TMCO4: variants seen among roughly 807,000 people sequenced by gnomAD.
TMCO4 encodes transmembrane and coiled-coil domain-containing protein 4.
A neutral mutation model predicts 64.7 loss-of-function variants in TMCO4; 58 were observed. The ratio of observed to expected loss-of-function variants is 0.90; its 90% confidence interval spans 0.73 to 1.12. TMCO4 has a LOEUF of 1.12. Ranked by LOEUF, TMCO4 falls within the 50% of genes most tolerant of loss-of-function variation. The pLI is 0.00. For synonymous variants in TMCO4, 325 were observed against 346.1 expected (o/e 0.94, Z 0.68); for missense variants, 780 against 825.9 (o/e 0.94, Z 0.68).
chr1:19,760,893 G>C (rs2042471500), intron 6 of TMCO4, among the ~76,000 whole-genome samples: 1 of 152,258 alleles, frequency 6.6e-6, no homozygotes, highest in African/African-American at 2.4e-5. Context: ...CTGGAACTCT[G>C]TTGGGAGAGA....
chr1:19,710,682 C>T (rs571860512), intron 13 of TMCO4, among the ~76,000 whole-genome samples: 1 of 152,304 alleles, frequency 6.6e-6, no homozygotes, highest in East Asian at 1.9e-4. Context: ...GTCCCACTTC[C>T]CTTTGCAATC....
At chr1:19,695,813 C>T (rs1244335885) in intron 14 of TMCO4, among the ~76,000 whole-genome samples, 1 of 152,146 alleles carries the variant, frequency 6.6e-6, no homozygotes, top group Non-Finnish European at 1.5e-5. Context: ...TACAGACTCT[C>T]CTGCTGTGTC....
intron 14 of TMCO4, among the ~76,000 whole-genome samples, chr1:19,694,795 C>T (rs60159774): frequency 0.083 from 12,692 of 152,236 alleles, 1,687 homozygotes; most frequent in African/African-American, 0.28. Context: ...TCCATGAAGG[C>T]GGCCTGCTTT....
intron 13 of TMCO4, among the ~76,000 whole-genome samples, chr1:19,727,341 A>G (rs2095413078): frequency 6.6e-6 from 1 of 152,194 alleles, no homozygotes; most frequent in Admixed American, 6.5e-5. Flanking sequence ...CCAAGCACCT[A>G]CTATGTGCCA....
At chr1:19,710,138 C>T (rs972529255) in intron 13 of TMCO4, among the ~76,000 whole-genome samples, 1 of 151,850 alleles carries the variant, frequency 6.6e-6, no homozygotes, top group Non-Finnish European at 1.5e-5. Context: ...CCAGGTCTTG[C>T]TCTGTTGCCC....
intron 15 of TMCO4, among the ~76,000 whole-genome samples, chr1:19,688,075 G>T (rs1009812991): frequency 5.3e-5 from 8 of 152,282 alleles, no homozygotes; most frequent in Middle Eastern, 3.4e-3. Flanking sequence ...CATCTCCCAG[G>T]CTGTCTTGAT....
Position 19,732,841 on chromosome 1 carries a change from A to G in TMCO4, c.1264+4531T>C, listed in dbSNP as rs2095435956. On this transcript the variant is annotated intron_variant, in intron 13 of 15. Transcript: ENST00000294543. The surrounding 1 kb of genome is among the most constrained non-coding windows in gnomAD (Gnocchi z 4.8). ...TCCACCGGGTTCATCTTGGAGTCAG[A>G]TTCCTATCAGATTCTTGTTATTTGG... Among the ~76,000 whole-genome samples the G allele has an allele frequency of 6.6e-6, 1 of 152,178 alleles. No homozygotes were observed. Among genetic ancestry groups the G allele is most frequent in the African/African-American group, 2.4e-5 (1 of 41,444 alleles).
At chr1:19,779,191 C>T (rs1330228148) in intron 4 of TMCO4, among the ~76,000 whole-genome samples, 1 of 152,212 alleles carries the variant, frequency 6.6e-6, no homozygotes, top group Admixed American at 6.5e-5. Flanking sequence ...CATCTCCTGG[C>T]CCAAGTCTTG....
chr1:19,718,698 G>A (rs1345585214), intron 13 of TMCO4, among the ~76,000 whole-genome samples: 4 of 145,476 alleles, frequency 2.7e-5, no homozygotes, highest in Non-Finnish European at 6.0e-5. Context: ...CTGGTTGCCA[G>A]TGTCATAATG....
chr1:19,791,018 T>A (rs574262922), intron 2 of TMCO4, among the ~76,000 whole-genome samples: 6 of 152,292 alleles, frequency 3.9e-5, no homozygotes, highest in African/African-American at 1.4e-4. Context: ...GGGATATGGA[T>A]GGAGCTGGGA....
intron 13 of TMCO4, among the ~76,000 whole-genome samples, chr1:19,707,140 C>T (rs975836462): frequency 3.3e-5 from 5 of 152,222 alleles, no homozygotes; most frequent in Non-Finnish European, 7.3e-5. Flanking sequence ...TCCAGCCACA[C>T]TGGCCTTGCT....
intron 4 of TMCO4, among the ~76,000 whole-genome samples, chr1:19,777,026 C>CAAAA (rs59722797): frequency 2.3e-3 from 192 of 82,532 alleles, no homozygotes; most frequent in South Asian, 3.1e-3. Context: ...GACACTGTCT[C>CAAAA]AAAAAAAAAA....
chr1:19,687,127 T>C (rs2095155530), intron 15 of TMCO4, among the ~76,000 whole-genome samples: 2 of 152,146 alleles, frequency 1.3e-5, no homozygotes, highest in African/African-American at 4.8e-5. Context: ...AATTTTTGTA[T>C]TTTTAGTAGA....
rs1040990458 is a variant in TMCO4, at chr1:19,761,447, C to T, written c.383-5681G>A. On this transcript the variant is annotated intron_variant, in intron 6 of 15. Transcript: ENST00000294543. ...CCAGGCCCAGACTTTTGGATCCTGCCGGAAGGACCAAAGGAGCTGGTATCC... is the reference window on the plus strand; with the variant it reads ...CCAGGCCCAGACTTTTGGATCCTGCTGGAAGGACCAAAGGAGCTGGTATCC... 2.6e-5 allele frequency among the ~76,000 whole-genome samples: 4 copies of T among 152,296 alleles called. No homozygotes were observed. In the Middle Eastern group the frequency reaches 0.01, roughly 389 times the overall value.
rs1027518700 is a variant in TMCO4, at chr1:19,780,619, C to T, written c.140G>A (p.Gly47Asp). The change falls in exon 4 of 16, where the codon GGC (glycine) becomes GAC (aspartate). Residue 47 changes from glycine to aspartate, a missense_variant. Gly to Asp is a moderately conservative substitution (Grantham distance 94). Coordinates refer to ENST00000294543, the MANE Select transcript of TMCO4 (RefSeq NM_181719.7). ...AGGAAATAACTGGGACAGGGAGATGCCACAGAGGGCAGCATAGGCGAAGCG... is the reference window on the plus strand; with the variant it reads ...AGGAAATAACTGGGACAGGGAGATGTCACAGAGGGCAGCATAGGCGAAGCG... ...ANRFAYAALC[G>D]ISLSQLFPEP... is the part of the protein sequence containing the mutation. 6.8e-6 allele frequency: 11 copies of T among 1,612,318 alleles called. No homozygotes were observed. In the African/African-American group the frequency reaches 1.5e-4, roughly 22 times the overall value.
At position 19,683,089 on chromosome 1, in the gene TMCO4, C is replaced by A; in HGVS notation, c.1856G>T (p.Cys619Phe). ...SHGMDPNPLG[C>F]PDCACKTQGP... ...CTGGGTCTTGCAGGCACAATCGGGG[C>A]AGCCCAGTGGGTTGGGGTCCATGCC... The change falls in exon 16 of 16, where the codon TGC becomes TTC. Residue 619 changes from cysteine to phenylalanine, a missense_variant. By Grantham distance (205) the Cys-to-Phe change is radical (BLOSUM62 -2). Transcript: ENST00000294543. 1.9e-6 allele frequency: 3 copies of A among 1,608,388 alleles called. No homozygotes were observed. Among genetic ancestry groups the A allele is most frequent in the Admixed American group, 1.7e-5 (1 of 59,338 alleles).
At chr1:19,745,236 G>A (rs1426745214) in intron 10 of TMCO4, among the ~76,000 whole-genome samples, 1 of 143,388 alleles carries the variant, frequency 7.0e-6, no homozygotes, top group African/African-American at 2.6e-5. Context: ...GGTTAAGTGG[G>A]TGGGTAGATG....
intron 13 of TMCO4, among the ~76,000 whole-genome samples, chr1:19,723,232 G>A (rs2095393821): frequency 6.6e-6 from 1 of 152,208 alleles, no homozygotes; most frequent in Non-Finnish European, 1.5e-5. Flanking sequence ...TTTCCTCGGA[G>A]TATCATGTTG....
At chr1:19,687,976 A>G (rs1383493077) in intron 15 of TMCO4, among the ~76,000 whole-genome samples, 1 of 152,126 alleles carries the variant, frequency 6.6e-6, no homozygotes, top group Non-Finnish European at 1.5e-5. Flanking sequence ...AGATGAGAGA[A>G]GAGGGGTGAG....
Sources: allele counts gnomAD v4.1 joint callset (sites outside exome capture counted in the v4.1 genomes callset), GRCh38; gene constraint gnomAD v4.1.1; non-coding constraint Gnocchi (gnomAD v3.1); transcripts MANE v1.5; gene names NCBI Gene and HGNC (gene_info 2026-07-23, HGNC 2026-07-21).